Variants in STARD13 observed in about 807,000 individuals in gnomAD.
STARD13 encodes stAR-related lipid transfer protein 13.
A neutral mutation model predicts 106.4 loss-of-function variants in STARD13; 62 were observed. The observed-to-expected ratio is 0.58, with a 90% confidence interval of 0.48 to 0.72. STARD13 has a LOEUF of 0.72. Ranked by LOEUF, STARD13 falls within the 30% of genes least tolerant of loss-of-function variation. The pLI is 0.00. For synonymous variants in STARD13, 565 were observed against 553.0 expected (o/e 1.02, Z -0.31); for missense variants, 1,387 against 1,424.0 (o/e 0.97, Z 0.42).
At chr13:33,533,870 C>T in the STARD13 span, among the ~76,000 whole-genome samples, 1 of 152,218 alleles carries the variant, frequency 6.6e-6, no homozygotes, top group Non-Finnish European at 1.5e-5. Context: ...TTATGCTCTT[C>T]TCTGCTCTCA....
At chr13:33,592,135 T>C in the STARD13 span, among the ~76,000 whole-genome samples, 1 of 152,216 alleles carries the variant, frequency 6.6e-6, no homozygotes, top group African/African-American at 2.4e-5. Context: ...TTAGTTCATG[T>C]CATTTTAGTT....
chr13:33,430,591 G>A, the STARD13 span, among the ~76,000 whole-genome samples: 3 of 152,098 alleles, frequency 2.0e-5, no homozygotes, highest in East Asian at 5.8e-4. Context: ...CCAAAAGAAT[G>A]GAAATCAATA....
chr13:33,254,043 T>C (rs2555597), intron 1 of STARD13, among the ~76,000 whole-genome samples: 118,611 of 152,192 alleles, frequency 0.78, 46,987 homozygotes, highest in African/African-American at 0.94. Flanking sequence ...CACAGGGTGA[T>C]CAGCCATCCC....
At chr13:33,435,298 A>G in the STARD13 span, among the ~76,000 whole-genome samples, 4 of 152,182 alleles carry the variant, frequency 2.6e-5, no homozygotes, top group Admixed American at 6.5e-5. Flanking sequence ...CCTTTTCCCT[A>G]TCTGTATTTA....
chr13:33,353,001 C>A (rs766627421), upstream of STARD13, among the ~76,000 whole-genome samples: 2 of 152,170 alleles, frequency 1.3e-5, no homozygotes, highest in Non-Finnish European at 2.9e-5. Context: ...CCCATCGCAG[C>A]GGAAGAGGTG....
In STARD13 at chr13:33,129,209, G is replaced by A. The variant is rs1041803043; in HGVS notation, c.1468C>T (p.Leu490=). ...TCTTGGAGCCCATTGACATGCTGCA[G>A]AATGTCATCCAAGTGAGGGAAAAGG... ...DDLFPHLDDI[L]QHVNGLQEVV... Residue 490 remains leucine, a synonymous_variant, in exon 5 of 14, where the codon CTG becomes TTG. Transcript: ENST00000336934. 1.2e-6 allele frequency: 2 copies of A among 1,614,076 alleles called. No homozygotes were observed. The highest frequency in any genetic ancestry group is 1.7e-6 in the Non-Finnish European group (2 of 1,180,034).
the STARD13 span, among the ~76,000 whole-genome samples, chr13:33,591,972 G>T: frequency 2.6e-5 from 4 of 152,110 alleles, no homozygotes; most frequent in Non-Finnish European, 4.4e-5. Flanking sequence ...CCTGTTAGAG[G>T]CTTGTATGCC....
At chr13:33,148,054 T>C (rs562852609) in intron 3 of STARD13, among the ~76,000 whole-genome samples, 1 of 152,250 alleles carries the variant, frequency 6.6e-6, no homozygotes, top group African/African-American at 2.4e-5. Flanking sequence ...CCTTATATCA[T>C]CACAAAAATT....
rs759277298 is a variant in STARD13, at chr13:33,142,373, T to C, written c.324A>G (p.Arg108=). 68 of 1,613,364 alleles carry C rather than the reference T, an allele frequency of 4.2e-5. No homozygotes were observed. The highest frequency in any genetic ancestry group is 6.7e-5 in the African/African-American group (5 of 74,910). ...CACACTTGTTCAACGTATTTAGTCG[T>C]CTAAAAGGAAAGAAAAATGTGATGA... is the stretch of plus-strand genomic sequence containing the variant. ...LEKDLVEPLC[R]RLNTLNKCAS... The change falls in exon 4 of 14, where the codon AGA becomes AGG. Residue 108 remains arginine (R), a splice_region_variant and synonymous_variant. Coordinates refer to ENST00000336934, the MANE Select transcript of STARD13 (RefSeq NM_178006.4).
At position 33,329,695 on chromosome 13, in the gene STARD13, ACTTT is replaced by A. The variant is rs1471130223; in HGVS notation, c.124+20591_124+20594del. On this transcript the variant is annotated intron_variant, in intron 1 of 5. Transcript: ENST00000567873. ...TGTGTGTGTGTGATTGTATAAAATC[ACTTT>A]CTTTCTTTTTTTTTTTTTTTTTGAG... 3.4e-4 allele frequency among the ~76,000 whole-genome samples: 48 copies of A among 143,056 alleles called. 1 individual carries two copies. In the South Asian group the frequency reaches 9.3e-3, roughly 28 times the overall value. 93.9% of individuals were successfully genotyped at this position (143,056 alleles called of 152,430 possible).
At position 33,110,074 on chromosome 13, in the gene STARD13, G is replaced by A. The variant is rs754302022; in HGVS notation, c.2846C>T (p.Pro949Leu). Residue 949 changes from proline (P) to leucine (L), a missense_variant, in exon 12 of 14, where the codon CCG (proline) becomes CTG (leucine). Coordinates refer to ENST00000336934, the MANE Select transcript of STARD13 (RefSeq NM_178006.4). ...CACAGAAGCCTTCCACAGCTTCAGCGGGTTCCCGTCGCCCACCTTGGGAAA... is the reference window on the plus strand; with the variant it reads ...CACAGAAGCCTTCCACAGCTTCAGCAGGTTCCCGTCGCCCACCTTGGGAAA... ...LAFKKVGDGN[P>L]LKLWKASVEV... The A allele has an allele frequency of 8.7e-6, 14 of 1,614,164 alleles. No homozygotes were observed. The highest frequency in any genetic ancestry group is 3.3e-4 in the Middle Eastern group (2 of 6,060).
chr13:33,214,699 TAC>T (rs55996131), intron 1 of STARD13, among the ~76,000 whole-genome samples: 66,814 of 143,778 alleles, frequency 0.46, 15,447 homozygotes, highest in East Asian at 0.75. Flanking sequence ...CATGCACACA[TAC>T]ACACACACAC....
chr13:33,592,695 A>G, the STARD13 span, among the ~76,000 whole-genome samples: 1 of 152,216 alleles, frequency 6.6e-6, no homozygotes, highest in Non-Finnish European at 1.5e-5. Context: ...GCTTATTAAG[A>G]ACTAACTCCT....
At chr13:33,315,433 C>G (rs1893292819) in intron 1 of STARD13, among the ~76,000 whole-genome samples, 1 of 152,172 alleles carries the variant, frequency 6.6e-6, no homozygotes, top group East Asian at 1.9e-4. Flanking sequence ...CCAGACCTTA[C>G]ATTTTTGTGC....
intron 3 of STARD13, among the ~76,000 whole-genome samples, chr13:33,153,228 C>T (rs140494528): frequency 6.6e-5 from 10 of 152,230 alleles, no homozygotes; most frequent in Non-Finnish European, 7.4e-5. Context: ...CAAGCACCCA[C>T]GATATACCAC....
the STARD13 span, among the ~76,000 whole-genome samples, chr13:33,390,774 C>T: frequency 6.6e-5 from 10 of 152,190 alleles, no homozygotes; most frequent in East Asian, 1.5e-3. Flanking sequence ...AAACCCTATC[C>T]GTCATTAAGA....
At chr13:33,527,233 G>C in the STARD13 span, among the ~76,000 whole-genome samples, 1 of 151,242 alleles carries the variant, frequency 6.6e-6, no homozygotes, top group African/African-American at 2.4e-5. Context: ...TTTTTTATGG[G>C]TCTTTATCCA....
At chr13:33,411,894 A>G in the STARD13 span, among the ~76,000 whole-genome samples, 1 of 152,238 alleles carries the variant, frequency 6.6e-6, no homozygotes, top group South Asian at 2.1e-4. Flanking sequence ...AATGAGAAAT[A>G]AAGACATTAT....
intron 1 of STARD13, among the ~76,000 whole-genome samples, chr13:33,181,421 C>A (rs898534171): frequency 3.3e-5 from 5 of 152,138 alleles, no homozygotes; most frequent in Non-Finnish European, 7.3e-5. Context: ...GATTGGAAAC[C>A]AGATTGCATC....
Sources: gnomAD v4.1 joint callset for allele counts (sites outside exome capture counted in the v4.1 genomes callset) on GRCh38, gnomAD v4.1.1 for gene constraint, MANE v1.5 for transcripts, NCBI Gene and HGNC (gene_info 2026-07-23, HGNC 2026-07-21) for gene names.